The following PTPRN2 variants were observed in gnomAD, a reference collection of about 807,000 sequenced individuals.
PTPRN2 encodes receptor-type tyrosine-protein phosphatase N2.
In PTPRN2, 74 loss-of-function variants were observed where a neutral mutation model predicts 118.8. The ratio of observed to expected loss-of-function variants is 0.62; its 90% confidence interval spans 0.52 to 0.76. The LOEUF is 0.76. PTPRN2 is among the 30% of genes least tolerant of loss of function. The pLI is 0.00. For missense variants in PTPRN2, 1,481 were observed against 1,394.4 expected (o/e 1.06, Z -0.99); for synonymous variants, 641 against 608.0 (o/e 1.05, Z -0.80).
chr7:158,315,908 T>C (rs751046159), intron 3 of PTPRN2, among the ~76,000 whole-genome samples: 6 of 152,166 alleles, frequency 3.9e-5, no homozygotes, highest in African/African-American at 1.2e-4. Context: ...AGTCAGCCTC[T>C]TTCCCCAGCC....
rs1481821293 is a variant in PTPRN2 at position 158,521,623 on chromosome 7, GA to G, written c.113-31839del. 1.9e-4 allele frequency among the ~76,000 whole-genome samples: 23 copies of G among 123,958 alleles called. 2 individuals are homozygous for G. Among genetic ancestry groups the G allele is most frequent in the Non-Finnish European group, 2.6e-4 (16 of 60,478 alleles). 81.3% of individuals were successfully genotyped at this position (123,958 alleles called of 152,430 possible). A position where few individuals can be genotyped will look rare whatever the true frequency, so the allele number is the denominator to read the frequency against. On this transcript the variant is annotated intron_variant, in intron 1 of 22. Transcript: ENST00000389418. ...GTGGACTGTCCAGGTAGTGGCTCAGGAGGGAGGTCCACGTCACAATGGTGGA... is the reference window on the plus strand; with the variant it reads ...GTGGACTGTCCAGGTAGTGGCTCAGGGGGAGGTCCACGTCACAATGGTGGA...
intron 12 of PTPRN2, among the ~76,000 whole-genome samples, chr7:157,873,526 CTGTCCT>C (rs1563195124): frequency 6.7e-6 from 1 of 150,216 alleles, no homozygotes; most frequent in East Asian, 2.0e-4. Context: ...GGAGAACGTA[CTGTCCT>C]CAAGGTCTGT....
chr7:158,112,351 T>C (rs1816353410), intron 9 of PTPRN2, among the ~76,000 whole-genome samples: 2 of 151,958 alleles, frequency 1.3e-5, no homozygotes, highest in Admixed American at 6.6e-5. Flanking sequence ...GGAAACAGGG[T>C]ATCAGACAGT....
chr7:158,313,645 G>A (rs921610), intron 3 of PTPRN2, among the ~76,000 whole-genome samples: 137,897 of 152,280 alleles, frequency 0.91, 62,815 homozygotes, highest in Non-Finnish European at 0.96. Flanking sequence ...CTGGGACTCC[G>A]TCTCCATAAA....
intron 2 of PTPRN2, among the ~76,000 whole-genome samples, chr7:158,380,996 G>C (rs1189476813): frequency 6.6e-6 from 1 of 152,252 alleles, no homozygotes; most frequent in Non-Finnish European, 1.5e-5. Flanking sequence ...GGGACGCAGG[G>C]CATCAAGTCC....
intron 12 of PTPRN2, chr7:157,856,211 G>A (rs1166482890): frequency 6.6e-6 from 1 of 152,252 alleles, no homozygotes; most frequent in African/African-American, 2.4e-5. Flanking sequence ...AAGATGTGAA[G>A]TGGGTTAGAA....
At chr7:158,436,130 G>A (rs11770299) in intron 2 of PTPRN2, among the ~76,000 whole-genome samples, 56,738 of 151,992 alleles carry the variant, frequency 0.37, 11,723 homozygotes, top group East Asian at 0.62. Context: ...ACGCATTATC[G>A]CATCCTGGAT....
In PTPRN2 at chr7:158,553,948, T is replaced by C. The variant is rs113055014; in HGVS notation, c.112+33610A>G. Among the ~76,000 whole-genome samples, 1,173 of 152,258 alleles carry C rather than the reference T, an allele frequency of 7.7e-3. 11 individuals carry two copies. Among genetic ancestry groups the C allele is most frequent in the African/African-American group, 0.027 (1,109 of 41,560 alleles). ...CCTCCCTGTCTAAACACACACAGGC[T>C]TGGGAGTCTATACCACATTTCCTCA... On this transcript the variant is annotated intron_variant, in intron 1 of 22. Coordinates refer to ENST00000389418, the MANE Select transcript of PTPRN2 (RefSeq NM_002847.5).
intron 3 of PTPRN2, among the ~76,000 whole-genome samples, chr7:158,209,688 C>A (rs1677355537): frequency 6.6e-6 from 1 of 152,170 alleles, no homozygotes; most frequent in African/African-American, 2.4e-5. Flanking sequence ...CACTGTTAAC[C>A]AAATGGACTG....
intron 14 of PTPRN2, among the ~76,000 whole-genome samples, chr7:157,642,837 A>AAAAAAAAAAAAAAAAAAC (rs1804776547): frequency 1.4e-5 from 2 of 147,420 alleles, no homozygotes; most frequent in Non-Finnish European, 3.0e-5. Flanking sequence ...AAAAAAAAAA[A>AAAAAAAAAAAAAAAAAAC]AAAAAAAGCA....
At chr7:157,558,263 C>T (rs760582937) in intron 21 of PTPRN2, among the ~76,000 whole-genome samples, 22 of 152,052 alleles carry the variant, frequency 1.4e-4, no homozygotes, top group South Asian at 2.1e-4. Context: ...GAGATGCAAA[C>T]GCAGCGTCTG....
intron 19 of PTPRN2, among the ~76,000 whole-genome samples, chr7:157,572,994 A>C (rs536501868): frequency 2.6e-5 from 4 of 152,368 alleles, no homozygotes; most frequent in Admixed American, 2.6e-4. Context: ...CAGCACTTGT[A>C]TGCCAGAGTG....
intron 1 of PTPRN2, among the ~76,000 whole-genome samples, chr7:158,527,834 T>A (rs546418157): frequency 3.3e-5 from 5 of 152,296 alleles, no homozygotes; most frequent in Admixed American, 1.3e-4. Flanking sequence ...CTGCCCCGTA[T>A]CCCAGATTCA....
At chr7:158,079,989 C>G (rs2128929546) in intron 11 of PTPRN2, among the ~76,000 whole-genome samples, 1 of 152,292 alleles carries the variant, frequency 6.6e-6, no homozygotes, top group Non-Finnish European at 1.5e-5. Flanking sequence ...AAGTTTAGTA[C>G]AACTTTGCAA....
At chr7:157,597,312 GC>G (rs1464422270) in intron 16 of PTPRN2, among the ~76,000 whole-genome samples, 2 of 152,176 alleles carry the variant, frequency 1.3e-5, no homozygotes, top group African/African-American at 4.8e-5. Context: ...GTCGCTGAAA[GC>G]CCCAATTAGA....
intron 2 of PTPRN2, among the ~76,000 whole-genome samples, chr7:158,326,841 G>GCATA (rs58596576): frequency 0.96 from 130,535 of 135,418 alleles, 62,980 homozygotes; most frequent in African/African-American, 0.99. Flanking sequence ...GCTCTCACAT[G>GCATA]CATTCTCACA....
intron 6 of PTPRN2, among the ~76,000 whole-genome samples, chr7:158,163,001 G>A (rs748252307): frequency 2.7e-4 from 41 of 152,264 alleles, no homozygotes; most frequent in African/African-American, 7.9e-4. Context: ...CTTCCTGCTC[G>A]GGTGCAGTTG....
At chr7:158,175,228 T>G (rs1418776878) in intron 5 of PTPRN2, among the ~76,000 whole-genome samples, 1 of 152,230 alleles carries the variant, frequency 6.6e-6, no homozygotes, top group East Asian at 1.9e-4. Context: ...GGCACCTTGA[T>G]CACGGCGTGC....
Position 157,650,993 on chromosome 7 carries a change from C to T in PTPRN2, c.2196+5364G>A, listed in dbSNP as rs569896905. 7.9e-5 allele frequency among the ~76,000 whole-genome samples: 12 copies of T among 152,316 alleles called. No homozygotes were observed. The South Asian group carries it at 1.5e-3, about 18-fold the overall frequency. On this transcript the variant is annotated intron_variant, in intron 14 of 22. Transcript: ENST00000389418. ...GGCAGGAGGGCCGAAGTTCAGAGGC[C>T]GTGAGCCGTGTGGGTCTGAGGAGGT... is the stretch of plus-strand genomic sequence containing the variant.
Sources: gnomAD v4.1 joint callset for allele counts (sites outside exome capture counted in the v4.1 genomes callset) on GRCh38, gnomAD v4.1.1 for gene constraint, MANE v1.5 for transcripts, NCBI Gene and HGNC (gene_info 2026-07-23, HGNC 2026-07-21) for gene names.